KIF6: variants seen among roughly 807,000 people sequenced by gnomAD.
KIF6 encodes kinesin family member 6, also known as kinesin-like protein KIF6.
A neutral mutation model predicts 112.7 loss-of-function variants in KIF6; 106 were observed. That is an observed-to-expected ratio of 0.94 (90% CI 0.80 to 1.11). KIF6 has a LOEUF of 1.11. Ranked by LOEUF, KIF6 falls within the 50% of genes least tolerant of loss-of-function variation. KIF6 has a pLI of 0.00. For synonymous variants in KIF6, 339 were observed against 339.9 expected, an observed-to-expected ratio of 1.00 and a Z score of 0.03; for missense variants, 929 against 964.0, an observed-to-expected ratio of 0.96 and a Z score of 0.48.
chr6:39,634,379 C>A (rs1016840226), intron 5 of KIF6, among the ~76,000 whole-genome samples: 1 of 152,046 alleles, frequency 6.6e-6, no homozygotes, highest in Non-Finnish European at 1.5e-5. Context: ...CAAATGATTG[C>A]CAAAGTTAGC....
chr6:39,585,476 C>T (rs531769962), intron 8 of KIF6, among the ~76,000 whole-genome samples: 107 of 152,216 alleles, frequency 7.0e-4, no homozygotes, highest in Middle Eastern at 3.4e-3. Flanking sequence ...GGTCAGGGAC[C>T]CCTGCTCTAG....
intron 6 of KIF6, among the ~76,000 whole-genome samples, chr6:39,600,973 A>G (rs922270947): frequency 2.0e-5 from 3 of 152,112 alleles, no homozygotes; most frequent in Admixed American, 6.6e-5. Flanking sequence ...TTAAATACCA[A>G]CTGAATTACT....
At chr6:39,428,424 T>C (rs1475788512) in intron 14 of KIF6, among the ~76,000 whole-genome samples, 2 of 152,222 alleles carry the variant, frequency 1.3e-5, no homozygotes, top group African/African-American at 4.8e-5. Context: ...TCTTACAACA[T>C]GGATAAGCAT....
chr6:39,440,852 G>T (rs1034764537), intron 13 of KIF6, among the ~76,000 whole-genome samples: 1 of 152,132 alleles, frequency 6.6e-6, no homozygotes, highest in African/African-American at 2.4e-5. Flanking sequence ...GTCTCCAGGG[G>T]CATAGAGAGG....
At chr6:39,420,502 G>A (rs1169833865) in intron 14 of KIF6, among the ~76,000 whole-genome samples, 2 of 152,294 alleles carry the variant, frequency 1.3e-5, no homozygotes, top group Admixed American at 6.5e-5. Flanking sequence ...ATTCACTGAC[G>A]CATTTTCTGT....
chr6:39,417,228 A>G (rs1457406886), intron 15 of KIF6, among the ~76,000 whole-genome samples: 2 of 152,178 alleles, frequency 1.3e-5, no homozygotes, highest in Non-Finnish European at 2.9e-5. Context: ...CTACTCCCTG[A>G]GGTCAAGCAC....
At position 39,345,719 on chromosome 6, in the gene KIF6, T is replaced by C. The variant is rs776159047; in HGVS notation, c.2302A>G (p.Ser768Gly). The change falls in exon 21 of 23, where the codon AGC becomes GGC. Residue 768 changes from serine to glycine, a missense_variant. Ser to Gly is a moderately conservative substitution (Grantham distance 56). Around this residue, in one of 2 missense-constraint regions of KIF6, gnomAD observed 241 missense variants for 301.4 expected, o/e 0.80. Coordinates refer to ENST00000287152, the MANE Select transcript of KIF6 (RefSeq NM_145027.6). Reference sequence around the variant, plus strand: ...ACAGACCTGTCTTCCAGTGGGGTGCTGGTGCTGCTCTGTTTCTGGCTGTGT... The same window carrying C: ...ACAGACCTGTCTTCCAGTGGGGTGCCGGTGCTGCTCTGTTTCTGGCTGTGT... ...SPHSQKQSST[S>G]TPLEDSIPKR... 42 of 1,613,530 alleles carry C rather than the reference T, an allele frequency of 2.6e-5. No individual in the cohort carries two copies. The Admixed American group carries it at 7.0e-4, about 27-fold the overall frequency.
chr6:39,420,491 T>A (rs1689361287), intron 14 of KIF6, among the ~76,000 whole-genome samples: 1 of 152,222 alleles, frequency 6.6e-6, no homozygotes, highest in Admixed American at 6.5e-5. Context: ...CCGCCACTCC[T>A]ATTCACTGAC....
At chr6:39,701,669 G>A (rs1026822137) in intron 3 of KIF6, among the ~76,000 whole-genome samples, 1 of 152,224 alleles carries the variant, frequency 6.6e-6, no homozygotes, top group Non-Finnish European at 1.5e-5. Flanking sequence ...GGAAGCCAGA[G>A]TTCCTTCTAG....
intron 10 of KIF6, among the ~76,000 whole-genome samples, chr6:39,575,369 G>C (rs550351604): frequency 2.0e-5 from 3 of 151,350 alleles, no homozygotes; most frequent in South Asian, 2.1e-4. Flanking sequence ...CTCCCGGGTT[G>C]ACGCCATTCT....
intron 13 of KIF6, among the ~76,000 whole-genome samples, chr6:39,460,901 C>A (rs1581908143): frequency 6.6e-6 from 1 of 152,184 alleles, no homozygotes; most frequent in East Asian, 1.9e-4. Context: ...GCTTAGAATA[C>A]CCTTTCCAAC....
intron 3 of KIF6, among the ~76,000 whole-genome samples, chr6:39,661,033 A>G (rs986977874): frequency 2.6e-5 from 4 of 152,194 alleles, no homozygotes; most frequent in Non-Finnish European, 5.9e-5. Flanking sequence ...TCTTACTTCC[A>G]TAAGACCATA....
At chr6:39,642,944 T>A (rs1479098920) in intron 3 of KIF6, among the ~76,000 whole-genome samples, 1 of 152,138 alleles carries the variant, frequency 6.6e-6, no homozygotes, top group Non-Finnish European at 1.5e-5. Flanking sequence ...GGGACCCTTG[T>A]ATGTAGGCTG....
chr6:39,414,549 C>T (rs956572095), intron 15 of KIF6, among the ~76,000 whole-genome samples: 6 of 152,224 alleles, frequency 3.9e-5, no homozygotes, highest in African/African-American at 1.4e-4. Context: ...AGAGCAAGGG[C>T]AGGCTGGACT....
intron 13 of KIF6, among the ~76,000 whole-genome samples, chr6:39,486,483 T>C (rs1307729911): frequency 6.6e-6 from 1 of 152,220 alleles, no homozygotes; most frequent in Non-Finnish European, 1.5e-5. Context: ...AGCTGACCTC[T>C]ATCTAAATTC....
In KIF6 at chr6:39,408,626, CCTCTCT is replaced by C. The variant is rs143907480; in HGVS notation, c.1810+11316_1810+11321del. Among the ~76,000 whole-genome samples the C allele has an allele frequency of 1.8e-3, 269 of 148,724 alleles. 1 individual carries two copies. Among genetic ancestry groups the C allele is most frequent in the East Asian group, 0.015 (77 of 5,098 alleles). On this transcript the variant is annotated intron_variant, in intron 15 of 22. Coordinates refer to ENST00000287152, the MANE Select transcript of KIF6 (RefSeq NM_145027.6). ...AACAAGATATCTTTGTACATAGGTG[CCTCTCT>C]CTCTCTCTCTCTCTTTCTTTCTCTC...
chr6:39,587,286 G>C (rs1781690123), intron 7 of KIF6, among the ~76,000 whole-genome samples: 1 of 152,152 alleles, frequency 6.6e-6, no homozygotes, highest in Non-Finnish European at 1.5e-5. Context: ...GCATCACAAA[G>C]CCCTAGCTCC....
chr6:39,415,060 C>T (rs575252672), intron 15 of KIF6, among the ~76,000 whole-genome samples: 36 of 151,840 alleles, frequency 2.4e-4, no homozygotes, highest in Admixed American at 6.6e-4. Context: ...TGGTGGTGGG[C>T]GCCTATAATC....
intron 3 of KIF6, among the ~76,000 whole-genome samples, chr6:39,681,078 G>C (rs1287935388): frequency 6.6e-6 from 1 of 152,064 alleles, no homozygotes; most frequent in African/African-American, 2.4e-5. Flanking sequence ...TCAATGCTGA[G>C]AAGTTGAATC....
Sources: allele counts gnomAD v4.1 joint callset (sites outside exome capture counted in the v4.1 genomes callset), GRCh38; gene constraint gnomAD v4.1.1; regional missense constraint gnomAD v4.1.1; transcripts MANE v1.5; gene names NCBI Gene and HGNC (gene_info 2026-07-23, HGNC 2026-07-21).